Variants in TMEM131 observed in about 807,000 individuals in gnomAD.
TMEM131 encodes transmembrane protein 131.
A neutral mutation model predicts 211.6 loss-of-function variants in TMEM131; 66 were observed. The observed-to-expected ratio is 0.31, with a 90% CI of 0.26 to 0.38. TMEM131 has a LOEUF of 0.38. Ranked by LOEUF, TMEM131 falls within the 10% of genes least tolerant of loss-of-function variation. The pLI is 1.00. For synonymous variants in TMEM131, 844 were observed against 841.3 expected (o/e 1.00, Z -0.06); for missense variants, 2,036 against 2,299.3 (o/e 0.89, Z 2.34).
intron 33 of TMEM131, among the ~76,000 whole-genome samples, chr2:97,767,059 C>T (rs1192272118): frequency 6.6e-6 from 1 of 152,162 alleles, no homozygotes; most frequent in East Asian, 1.9e-4. Flanking sequence ...AGAGACTCCA[C>T]TATTCAAAAC....
At chr2:97,891,509 CA>C (rs35677645) in intron 3 of TMEM131, among the ~76,000 whole-genome samples, 50,591 of 151,862 alleles carry the variant, frequency 0.33, 9,256 homozygotes, top group Non-Finnish European at 0.39. Context: ...TATAAATTTT[CA>C]CTAAAATCTT....
In TMEM131 at chr2:97,758,981, C is replaced by T. The variant is rs1262301145; in HGVS notation, c.5279G>A (p.Ser1760Asn). Residue 1760 changes from serine to asparagine, a missense_variant, in exon 40 of 41, where the codon AGT (serine) becomes AAT (asparagine). Physicochemically the swap from Ser to Asn is conservative, Grantham distance 46. Around this residue, in one of 3 missense-constraint regions of TMEM131, gnomAD observed 1,623 missense variants for 1,805.9 expected, o/e 0.90. Coordinates refer to ENST00000186436, the MANE Select transcript of TMEM131 (RefSeq NM_015348.2). ...CGACTCCCAAAGGTATGAAGGGCCACTATTAAACTCGTTCCAGCTCCTCTG... is the reference window on the plus strand; with the variant it reads ...CGACTCCCAAAGGTATGAAGGGCCATTATTAAACTCGTTCCAGCTCCTCTG... ...ASQRSWNEFN[S>N]GPSYLWESPA... 11 of 1,613,984 alleles carry T rather than the reference C, an allele frequency of 6.8e-6. No individual in the cohort carries two copies. Among genetic ancestry groups the T allele is most frequent in the Non-Finnish European group, 9.3e-6 (11 of 1,179,868 alleles).
intron 1 of TMEM131, among the ~76,000 whole-genome samples, chr2:97,958,097 G>A (rs1169518890): frequency 6.6e-6 from 1 of 152,226 alleles, no homozygotes; most frequent in African/African-American, 2.4e-5. Flanking sequence ...AAAGGAATTT[G>A]AGGTATGAAA....
Position 97,808,062 on chromosome 2 carries a change from T to A in TMEM131, c.2055+1626A>T, listed in dbSNP as rs1349252500. Among the ~76,000 whole-genome samples, 3 of 152,178 alleles carry A rather than the reference T, an allele frequency of 2.0e-5. No homozygotes were observed. The East Asian group carries it at 5.8e-4, about 29-fold the overall frequency. ...ATATTTACATATATATAATGAGATA[T>A]CTTGGGGACAGAACCCAAGTCTAAA... On this transcript the variant is annotated intron_variant, in intron 19 of 40. Transcript: ENST00000186436.
intron 5 of TMEM131, among the ~76,000 whole-genome samples, chr2:97,845,067 A>G (rs1290830959): frequency 1.3e-5 from 2 of 151,788 alleles, no homozygotes; most frequent in Non-Finnish European, 2.9e-5. Flanking sequence ...AGTAACTTAC[A>G]AGTTGTGAAT....
chr2:97,782,810 C>G (rs1680072567), intron 31 of TMEM131, among the ~76,000 whole-genome samples: 1 of 151,096 alleles, frequency 6.6e-6, no homozygotes, highest in Non-Finnish European at 1.5e-5. Flanking sequence ...AAAAAAAGAA[C>G]AGAGCTTCAG....
At chr2:97,807,878 A>G (rs1413683968) in intron 19 of TMEM131, among the ~76,000 whole-genome samples, 2 of 152,242 alleles carry the variant, frequency 1.3e-5, no homozygotes, top group Non-Finnish European at 2.9e-5. Context: ...CAGGAAGATG[A>G]GGATTTAATT....
At chr2:97,762,707 T>C (rs1446549614) in intron 35 of TMEM131, 1 of 153,370 alleles carries the variant, frequency 6.5e-6, no homozygotes, top group Non-Finnish European at 1.5e-5. Flanking sequence ...TATACAGCTG[T>C]TTTAAAAATC....
At position 97,756,901 on chromosome 2, in the gene TMEM131, G is replaced by A. The variant is rs1214128523; in HGVS notation, c.*198C>T. 5.1e-6 allele frequency: 3 copies of A among 586,214 alleles called. No individual in the cohort carries two copies. The highest frequency in any genetic ancestry group is 8.3e-6 in the Non-Finnish European group (3 of 363,406). 36.3% of individuals were successfully genotyped at this position (586,214 alleles called of 1,614,324 possible). On this transcript the variant is annotated 3_prime_UTR_variant, in exon 41 of 41. Transcript: ENST00000186436. ...CAGACTTTTCTCTAAAAGCACAACA[G>A]CAAATCTCATGTTATCATAATTGCA...
chr2:97,921,330 C>T (rs956998661), intron 2 of TMEM131, among the ~76,000 whole-genome samples: 1 of 152,122 alleles, frequency 6.6e-6, no homozygotes, highest in African/African-American at 2.4e-5. Context: ...ATCTTGATCT[C>T]ACATCAATAA....
chr2:97,839,235 A>G (rs1683078945), intron 7 of TMEM131, among the ~76,000 whole-genome samples: 1 of 152,076 alleles, frequency 6.6e-6, no homozygotes, highest in Non-Finnish European at 1.5e-5. Flanking sequence ...ACTGAGGTAA[A>G]AGGATTGGTT....
intron 2 of TMEM131, among the ~76,000 whole-genome samples, chr2:97,914,276 T>A (rs187930912): frequency 6.6e-6 from 1 of 152,236 alleles, no homozygotes; most frequent in Non-Finnish European, 1.5e-5. Flanking sequence ...AAAAGAGCTA[T>A]ATTTTAACTC....
At chr2:97,809,433 T>C (rs1681451753) in intron 19 of TMEM131, among the ~76,000 whole-genome samples, 1 of 152,160 alleles carries the variant, frequency 6.6e-6, no homozygotes, top group South Asian at 2.1e-4. Flanking sequence ...AGCACTTTAT[T>C]TTCACTCCTC....
intron 1 of TMEM131, among the ~76,000 whole-genome samples, chr2:97,940,960 T>C (rs1046061890): frequency 4.6e-5 from 7 of 152,046 alleles, no homozygotes; most frequent in Admixed American, 1.3e-4. Context: ...CTTCACAGGA[T>C]TGGAAAATAC....
intron 1 of TMEM131, among the ~76,000 whole-genome samples, chr2:97,988,601 G>A (rs117445034): frequency 1.1e-4 from 17 of 152,232 alleles, no homozygotes; most frequent in African/African-American, 3.1e-4. Context: ...TGAATATAAC[G>A]TGGGCAAAGG....
At chr2:97,951,756 C>A (rs34564704) in intron 1 of TMEM131, among the ~76,000 whole-genome samples, 1 of 152,178 alleles carries the variant, frequency 6.6e-6, no homozygotes, top group African/African-American at 2.4e-5. Context: ...TTACTCCAGT[C>A]CAGTGTGTTT....
chr2:97,980,535 G>A (rs1336818338), intron 1 of TMEM131, among the ~76,000 whole-genome samples: 1 of 152,134 alleles, frequency 6.6e-6, no homozygotes, highest in Non-Finnish European at 1.5e-5. Flanking sequence ...TAAACATACA[G>A]CTACCATAGG....
rs143056548 is a variant in TMEM131, at chr2:97,777,512, G to A, written c.4145-1494C>T. 1.9e-3 allele frequency among the ~76,000 whole-genome samples: 296 copies of A among 152,266 alleles called. 1 individual carries two copies. The highest frequency in any genetic ancestry group is 6.4e-3 in the African/African-American group (267 of 41,560). ...CGAAAAAAAGACACAAATAAGAAGA[G>A]GCAACAGAGATAGTCTGTGGCCCAT... On this transcript the variant is annotated intron_variant, in intron 31 of 40. Transcript: ENST00000186436.
At chr2:97,921,179 C>T (rs1014859644) in intron 2 of TMEM131, among the ~76,000 whole-genome samples, 1 of 152,058 alleles carries the variant, frequency 6.6e-6, no homozygotes, top group African/African-American at 2.4e-5. Context: ...CCAAAGAAAT[C>T]CAATACAGTG....
Sources: gnomAD v4.1 joint callset for allele counts (sites outside exome capture counted in the v4.1 genomes callset) on GRCh38, gnomAD v4.1.1 for gene constraint, gnomAD v4.1.1 regional missense constraint, MANE v1.5 for transcripts, NCBI Gene and HGNC (gene_info 2026-07-23, HGNC 2026-07-21) for gene names.